Variants in CENPN observed in about 807,000 individuals in gnomAD.
The protein encoded by CENPN is interphase centromere complex protein 32.
A neutral mutation model predicts 48.6 loss-of-function variants in CENPN; 36 were observed. That is an observed-to-expected ratio of 0.74 (90% CI 0.57 to 0.98). The LOEUF (loss-of-function observed/expected upper bound fraction) is 0.98. CENPN is among the 50% of genes least tolerant of loss of function. The pLI, the probability that CENPN is intolerant of heterozygous loss-of-function variation, is 0.00. For missense variants in CENPN, 439 were observed against 399.2 expected (o/e 1.10, Z -0.85); for synonymous variants, 166 against 135.2 (o/e 1.23, Z -1.58).
chr16:81,009,628 T>C (rs1196153480), intron 1 of CENPN, among the ~76,000 whole-genome samples: 1 of 152,244 alleles, frequency 6.6e-6, no homozygotes, highest in African/African-American at 2.4e-5. Context: ...TCTTTATCTT[T>C]GTCTTACTAT....
chr16:81,010,892 C>G (rs1969714542), intron 1 of CENPN, among the ~76,000 whole-genome samples: 1 of 152,240 alleles, frequency 6.6e-6, no homozygotes, highest in Non-Finnish European at 1.5e-5. Context: ...CCCTGCCTCA[C>G]TAACCTCCAA....
rs934753946 is a variant in CENPN, at chr16:81,030,636, C to G, written c.*1985C>G. 1 of 153,206 alleles carries G rather than the reference C, an allele frequency of 6.5e-6. No homozygotes were observed. The highest frequency in any genetic ancestry group is 1.5e-5 in the Non-Finnish European group (1 of 68,940). 9.5% of individuals were successfully genotyped at this position (153,206 alleles called of 1,614,324 possible). A position where few individuals can be genotyped will look rare whatever the true frequency, so the allele number is the denominator to read the frequency against. On this transcript the variant is annotated 3_prime_UTR_variant, in exon 11 of 11. Coordinates refer to ENST00000305850, the MANE Select transcript of CENPN (RefSeq NM_001100624.3). ...TAGTGGCAGCCGCCTGTAATCCCAG[C>G]TATTCGAGAGGCTGAGGCAGGAGAA...
intron 5 of CENPN, among the ~76,000 whole-genome samples, chr16:81,018,820 T>C (rs1970044405): frequency 6.6e-6 from 1 of 152,188 alleles, no homozygotes; most frequent in African/African-American, 2.4e-5. Flanking sequence ...AGTGCCACTG[T>C]AACAACCCAC....
chr16:81,014,180 T>G lies in CENPN; in HGVS notation c.216T>G (p.Ile72Met). ...GTGATGCTGCCCTGTTAGACATCAT[T>G]TGTAAGTGTCAGTGATTTGTATTTA... ...SISDAALLDI[I>M]YMQFHQHQKV... Residue 72 changes from isoleucine (I) to methionine (M), a missense_variant and splice_region_variant, in exon 3 of 11, where the codon ATT becomes ATG. Coordinates refer to ENST00000305850, the MANE Select transcript of CENPN (RefSeq NM_001100624.3). The G allele has an allele frequency of 9.9e-6, 16 of 1,612,418 alleles. No homozygotes were observed. The highest frequency in any genetic ancestry group is 1.4e-5 in the Non-Finnish European group (16 of 1,178,602).
At chr16:81,014,602 G>A (rs974562933) in intron 3 of CENPN, among the ~76,000 whole-genome samples, 3 of 152,060 alleles carry the variant, frequency 2.0e-5, no homozygotes, top group Admixed American at 1.3e-4. Context: ...TCACTCAGCC[G>A]TATGTTCTTT....
At position 81,012,195 on chromosome 16, in the gene CENPN, T is replaced by A. The variant is rs1196185999; in HGVS notation, c.171+85T>A. ...CTTCTATTCCTTACTCCAAAAGAGA[T>A]GTAAGGTAGCTGCTAAACTACTAGT... On this transcript the variant is annotated intron_variant, in intron 2 of 10. Transcript: ENST00000305850. 9.7e-6 allele frequency: 12 copies of A among 1,234,486 alleles called. No individual in the cohort carries two copies. The African/African-American group carries it at 1.8e-4, about 19-fold the overall frequency. The allele number at this position is 1,234,486 out of a possible 1,614,324, so 76.5% of individuals were successfully genotyped here.
rs1279551008 is a variant in CENPN, at chr16:81,028,656, T to G, written c.*5T>G. On this transcript the variant is annotated 3_prime_UTR_variant, in exon 11 of 11. Coordinates refer to ENST00000305850, the MANE Select transcript of CENPN (RefSeq NM_001100624.3). ...TTTAAAATTAGAGATAAATAAGACG[T>G]GCGTGGTTTCTTAAGCACAGCTCCT... 1 of 1,609,492 alleles carries G rather than the reference T, an allele frequency of 6.2e-7. No individual in the cohort carries two copies. Among genetic ancestry groups the G allele is most frequent in the African/African-American group, 1.3e-5 (1 of 74,348 alleles).
At chr16:81,016,543 C>T (rs1969940137) in intron 3 of CENPN, among the ~76,000 whole-genome samples, 1 of 152,174 alleles carries the variant, frequency 6.6e-6, no homozygotes, top group Admixed American at 6.5e-5. Flanking sequence ...AGGTGGATCA[C>T]CCGAGGTCAG....
At chr16:81,013,991 A>G in intron 2 of CENPN, 145 bp from the exon 3 acceptor site, 1 of 535,504 alleles carries the variant, frequency 1.9e-6, no homozygotes, top group Non-Finnish European at 3.4e-6. Context: ...CCATTGGTTA[A>G]CAGGAGAAGA....
At chr16:81,025,043 A>G (rs181157659) in intron 8 of CENPN, among the ~76,000 whole-genome samples, 1 of 152,244 alleles carries the variant, frequency 6.6e-6, no homozygotes, top group African/African-American at 2.4e-5. Flanking sequence ...CTTGTGTGCC[A>G]GGCACCACAC....
chr16:81,024,918 G>A (rs1320944167), intron 8 of CENPN, 140 bp downstream of exon 8: 2 of 495,530 alleles, frequency 4.0e-6, no homozygotes, highest in African/African-American at 4.0e-5. Context: ...GTAAATATCT[G>A]TTGAAGGAGG....
chr16:81,016,862 G>T (rs6564816), intron 3 of CENPN: 5,407 of 168,250 alleles, frequency 0.032, 315 homozygotes, highest in African/African-American at 0.12. Flanking sequence ...CTAACGCAGG[G>T]TGTTTGGGGT....
rs918872137 is a variant in CENPN at position 81,031,230 on chromosome 16, G to A, written c.*2579G>A. ...GAACCTTTGAATTGGGCCAAATTGC[G>A]ATGACCACTGCATCCTGGAAAATTT... On this transcript the variant is annotated 3_prime_UTR_variant, in exon 11 of 11. Transcript: ENST00000305850. The A allele has an allele frequency of 4.7e-5, 7 of 150,176 alleles. No homozygotes were observed. Among genetic ancestry groups the A allele is most frequent in the Admixed American group, 2.0e-4 (3 of 15,058 alleles). The allele number at this position is 150,176 out of a possible 1,614,324, so 9.3% of individuals were successfully genotyped here.
At chr16:81,025,630 G>A (rs947315348) in intron 8 of CENPN, among the ~76,000 whole-genome samples, 1 of 151,404 alleles carries the variant, frequency 6.6e-6, no homozygotes, top group Admixed American at 6.6e-5. Context: ...GGTTGAGGAG[G>A]GAAGATCACG....
At chr16:81,022,951 C>A (rs2151699320) in intron 7 of CENPN, 1 of 1,346,032 alleles carries the variant, frequency 7.4e-7, no homozygotes, top group Non-Finnish European at 1.0e-6. Flanking sequence ...GCTTCCAAAT[C>A]ACCTGATCAC....
chr16:81,021,180 T>C (rs1970176346), intron 6 of CENPN, among the ~76,000 whole-genome samples: 3 of 152,226 alleles, frequency 2.0e-5, no homozygotes, highest in Non-Finnish European at 4.4e-5. Flanking sequence ...AATTTGCTTA[T>C]TAATGAACAT....
At position 81,022,834 on chromosome 16, in the gene CENPN, A is replaced by G. The variant is rs528342305; in HGVS notation, c.633+136A>G. Reference sequence around the variant, plus strand: ...ATTACCGAAATGAAGAAAGCTTGCAATTAGTGAACATGAAAGGAAAATAAA... The same window carrying G: ...ATTACCGAAATGAAGAAAGCTTGCAGTTAGTGAACATGAAAGGAAAATAAA... On this transcript the variant is annotated intron_variant, in intron 7 of 10. Coordinates refer to ENST00000305850, the MANE Select transcript of CENPN (RefSeq NM_001100624.3). The G allele has an allele frequency of 4.3e-6, 7 of 1,613,450 alleles. No homozygotes were observed. In the Admixed American group the frequency reaches 5.0e-5, roughly 12 times the overall value.
rs1403454963 is a variant in CENPN at position 81,030,582 on chromosome 16, C to T, written c.*1931C>T. 1 of 177,118 alleles carries T rather than the reference C, an allele frequency of 5.6e-6. No individual in the cohort carries two copies. Among genetic ancestry groups the T allele is most frequent in the Non-Finnish European group, 1.1e-5 (1 of 90,890 alleles). The allele number at this position is 177,118 out of a possible 1,614,324, so 11.0% of individuals were successfully genotyped here. A position where few individuals can be genotyped will look rare whatever the true frequency, so the allele number is the denominator to read the frequency against. On this transcript the variant is annotated 3_prime_UTR_variant, in exon 11 of 11. Transcript: ENST00000305850. ...TAGCCAACATGGCAAAACCTTGTCT[C>T]TACTAAAAATAGAAAAATTAGTTGG...
rs1304084110 is a variant in CENPN at position 81,029,882 on chromosome 16, A to T, written c.*1231A>T. ...GTATTAGTCTATTCTCATGCTGCTA[A>T]TAAAGATACCTAAGACTGGGTAATT... On this transcript the variant is annotated 3_prime_UTR_variant, in exon 11 of 11. Transcript: ENST00000305850. 1.3e-5 allele frequency among the ~76,000 whole-genome samples: 2 copies of T among 152,168 alleles called. No individual in the cohort carries two copies. Among genetic ancestry groups the T allele is most frequent in the Admixed American group, 1.3e-4 (2 of 15,276 alleles).
Sources: allele counts gnomAD v4.1 joint callset (sites outside exome capture counted in the v4.1 genomes callset), GRCh38; gene constraint gnomAD v4.1.1; transcripts MANE v1.5; gene names NCBI Gene and HGNC (gene_info 2026-07-23, HGNC 2026-07-21).